Variants in MSH4 observed in about 807,000 individuals in gnomAD.
MSH4 encodes mutS protein homolog 4.
In MSH4, 106 loss-of-function variants were observed where a neutral mutation model predicts 113.7. That is an observed-to-expected ratio of 0.93 (90% CI 0.80 to 1.10). The LOEUF (loss-of-function observed/expected upper bound fraction) is 1.10, where lower values mean the gene tolerates loss of function less well. Among genes scored for constraint, MSH4 ranks in the 50% least tolerant of loss-of-function variants. The pLI, the probability that MSH4 is intolerant of heterozygous loss-of-function variation, is 0.00. For missense variants in MSH4, 1,061 were observed against 1,093.7 expected, an observed-to-expected ratio of 0.97 and a Z score of 0.42; for synonymous variants, 368 against 380.2, an observed-to-expected ratio of 0.97 and a Z score of 0.37.
intron 9 of MSH4, among the ~76,000 whole-genome samples, chr1:75,872,654 A>C (rs1381538201): frequency 6.6e-6 from 1 of 152,246 alleles, no homozygotes; most frequent in Admixed American, 6.5e-5. Flanking sequence ...CAGTGAACAC[A>C]TGCCACTTAA....
Position 75,810,824 on chromosome 1 carries a change from GTT to G in MSH4, c.699+19_699+20del. ...AATTTCAAGGTAAGTGATGTTTACT[GTT>G]TGTAACATTCAAGATCTAATCACTT... is the stretch of plus-strand genomic sequence containing the variant. On this transcript the variant is annotated intron_variant, in intron 4 of 19. Coordinates refer to ENST00000263187, the MANE Select transcript of MSH4 (RefSeq NM_002440.4). 3 of 1,186,590 alleles carry G rather than the reference GTT, an allele frequency of 2.5e-6. No homozygotes were observed. The South Asian group carries it at 4.2e-5, about 17-fold the overall frequency. 73.5% of individuals were successfully genotyped at this position (1,186,590 alleles called of 1,614,324 possible). A position where few individuals can be genotyped will look rare whatever the true frequency, so the allele number is the denominator to read the frequency against.
intron 13 of MSH4, 78 bp from the exon 14 acceptor site, chr1:75,881,168 T>A (rs1020711133): frequency 8.9e-7 from 1 of 1,129,374 alleles, no homozygotes. Context: ...AGGCAATGAA[T>A]TTAATATTAT....
At chr1:75,835,567 G>A (rs1438762909) in intron 7 of MSH4, among the ~76,000 whole-genome samples, 1 of 152,082 alleles carries the variant, frequency 6.6e-6, no homozygotes, top group African/African-American at 2.4e-5. Flanking sequence ...AGCCAGAAGT[G>A]GTATTCTCTA....
chr1:75,880,205 A>C, intron 13 of MSH4, 52 bp downstream of exon 13: 1 of 931,492 alleles, frequency 1.1e-6, no homozygotes, highest in South Asian at 1.6e-5. Flanking sequence ...TTAATTTGAG[A>C]AACTGTTACA....
chr1:75,907,815 C>G (rs980373925), intron 19 of MSH4, among the ~76,000 whole-genome samples: 2 of 147,964 alleles, frequency 1.4e-5, no homozygotes, highest in African/African-American at 5.0e-5. Flanking sequence ...TTCTTGGATT[C>G]AAGTATTTCT....
intron 7 of MSH4, among the ~76,000 whole-genome samples, chr1:75,826,084 C>T (rs913456744): frequency 1.4e-5 from 2 of 146,260 alleles, no homozygotes; most frequent in African/African-American, 4.8e-5. Context: ...GCTGTGAATC[C>T]ATCTGGTCCT....
Position 75,886,859 on chromosome 1 carries a change from C to A in MSH4, c.2108-2392C>A, listed in dbSNP as rs1471392048. On this transcript the variant is annotated intron_variant, in intron 15 of 19. Transcript: ENST00000263187. ...ATATATTATATATATATATATATTACCTTCACATTTATTTCACATTTATTC... is the reference window on the plus strand; with the variant it reads ...ATATATTATATATATATATATATTAACTTCACATTTATTTCACATTTATTC... 2.1e-5 allele frequency among the ~76,000 whole-genome samples: 3 copies of A among 139,604 alleles called. No homozygotes were observed. In the Admixed American group the frequency reaches 2.3e-4, roughly 11 times the overall value. 91.6% of individuals were successfully genotyped at this position (139,604 alleles called of 152,430 possible).
chr1:75,898,382 A>G (rs988059982), intron 18 of MSH4, among the ~76,000 whole-genome samples: 1 of 152,130 alleles, frequency 6.6e-6, no homozygotes, highest in African/African-American at 2.4e-5. Context: ...TGCAAGTTAT[A>G]TAATGAATTG....
At chr1:75,898,175 G>T in intron 18 of MSH4, 94 bp downstream of exon 18, 1 of 829,054 alleles carries the variant, frequency 1.2e-6, no homozygotes, top group Non-Finnish European at 1.8e-6. Context: ...GTTAATCTAA[G>T]GAAATTTTCT....
intron 6 of MSH4, among the ~76,000 whole-genome samples, 185 bp downstream of exon 6, chr1:75,816,731 A>C (rs1346662769): frequency 6.6e-6 from 1 of 152,014 alleles, no homozygotes; most frequent in Non-Finnish European, 1.5e-5. Context: ...GGTTCAAGCA[A>C]TTCTTCTGTC....
At chr1:75,873,477 G>C (rs1651754931) in intron 9 of MSH4, among the ~76,000 whole-genome samples, 1 of 151,812 alleles carries the variant, frequency 6.6e-6, no homozygotes, top group African/African-American at 2.4e-5. Flanking sequence ...TTGTGTCTTG[G>C]AGGTTATGTT....
intron 9 of MSH4, among the ~76,000 whole-genome samples, chr1:75,876,494 A>G (rs963502728): frequency 6.6e-6 from 1 of 152,048 alleles, no homozygotes. Context: ...GTTTTCATTA[A>G]GCAAAATAAA....
intron 8 of MSH4, among the ~76,000 whole-genome samples, chr1:75,853,785 A>T (rs1167451726): frequency 2.6e-5 from 4 of 151,964 alleles, no homozygotes; most frequent in Admixed American, 2.0e-4. Context: ...TTGGAAATGC[A>T]TCCACAATTC....
chr1:75,839,546 A>G (rs1399228261), intron 7 of MSH4, among the ~76,000 whole-genome samples: 1 of 152,198 alleles, frequency 6.6e-6, no homozygotes. Context: ...TTAACACACA[A>G]TAAAGTAGAG....
intron 7 of MSH4, among the ~76,000 whole-genome samples, chr1:75,828,593 G>A (rs1650608289): frequency 1.3e-5 from 2 of 152,076 alleles, no homozygotes; most frequent in Admixed American, 1.3e-4. Context: ...ACTTATATGT[G>A]GGAGCTAAAC....
intron 17 of MSH4, among the ~76,000 whole-genome samples, chr1:75,895,272 T>C (rs1006375531): frequency 6.6e-6 from 1 of 152,126 alleles, no homozygotes; most frequent in Non-Finnish European, 1.5e-5. Flanking sequence ...AAAGAAAGAA[T>C]ATGTCTGCAA....
At chr1:75,814,315 A>G (rs80160328) in intron 4 of MSH4, among the ~76,000 whole-genome samples, 1 of 140,144 alleles carries the variant, frequency 7.1e-6, no homozygotes, top group African/African-American at 2.6e-5. Flanking sequence ...AAAAAAAAAA[A>G]TTAGCCAGAT....
intron 9 of MSH4, among the ~76,000 whole-genome samples, chr1:75,868,974 A>T (rs909574827): frequency 6.6e-6 from 1 of 152,202 alleles, no homozygotes; most frequent in Non-Finnish European, 1.5e-5. Flanking sequence ...AAGGTACCTG[A>T]AAATATGGAA....
At chr1:75,912,661 T>C (rs765425488) in intron 19 of MSH4, 35 bp from the exon 20 acceptor site, 28 of 1,054,642 alleles carry the variant, frequency 2.7e-5, no homozygotes, top group Non-Finnish European at 3.3e-5. Flanking sequence ...GGTATTTGTG[T>C]ATATATATAT....
Sources: allele counts gnomAD v4.1 joint callset (sites outside exome capture counted in the v4.1 genomes callset), GRCh38; gene constraint gnomAD v4.1.1; transcripts MANE v1.5; gene names NCBI Gene and HGNC (gene_info 2026-07-23, HGNC 2026-07-21).